The following CFAP299 variants were observed in gnomAD, a reference collection of about 807,000 sequenced individuals.
The protein encoded by CFAP299 is cilia and flagella associated protein 299.
A neutral mutation model predicts 27.0 loss-of-function variants in CFAP299; 21 were observed. That is an observed-to-expected ratio of 0.78 (90% CI 0.55 to 1.12). The LOEUF is 1.12. Among genes scored for constraint, CFAP299 ranks in the 50% most tolerant of loss-of-function variants. The pLI is 0.00. For missense variants in CFAP299, 310 were observed against 276.6 expected, an observed-to-expected ratio of 1.12 and a Z score of -0.86; for synonymous variants, 104 against 98.1, an observed-to-expected ratio of 1.06 and a Z score of -0.36.
At chr4:80,614,549 G>A (rs1305165463) in intron 3 of CFAP299, among the ~76,000 whole-genome samples, 3 of 152,200 alleles carry the variant, frequency 2.0e-5, no homozygotes, top group Admixed American at 6.5e-5. Context: ...CAGCATGTGC[G>A]GCGGGTGTAG....
At chr4:80,847,921 A>G (rs930630114) in intron 3 of CFAP299, among the ~76,000 whole-genome samples, 1 of 152,112 alleles carries the variant, frequency 6.6e-6, no homozygotes. Context: ...TAAGGATACA[A>G]AGTTAAGACT....
chr4:80,323,981 A>C, the CFAP299 span, among the ~76,000 whole-genome samples: 2 of 151,946 alleles, frequency 1.3e-5, no homozygotes, highest in African/African-American at 2.4e-5. Context: ...CCTTTTTTTA[A>C]ATTTTACTTT....
upstream of CFAP299, among the ~76,000 whole-genome samples, chr4:80,334,381 G>A (rs887607038): frequency 6.6e-6 from 1 of 152,088 alleles, no homozygotes; most frequent in African/African-American, 2.4e-5. Flanking sequence ...GATATAGGAG[G>A]ATTCTTCTGC....
At chr4:80,927,872 A>T (rs1308836533) in intron 4 of CFAP299, among the ~76,000 whole-genome samples, 2 of 152,108 alleles carry the variant, frequency 1.3e-5, no homozygotes, top group Admixed American at 1.3e-4. Flanking sequence ...AAAGTCAGCA[A>T]AGTCCTTTTT....
rs1339201630 is a variant in CFAP299 at position 80,591,104 on chromosome 4, A to ATTTTTTTTTTT, written c.333+7921_333+7922insTTTTTTTTTTT. Among the ~76,000 whole-genome samples, 21 of 116,534 alleles carry ATTTTTTTTTTT rather than the reference A, an allele frequency of 1.8e-4. 2 individuals are homozygous for ATTTTTTTTTTT. Among genetic ancestry groups the ATTTTTTTTTTT allele is most frequent in the South Asian group, 3.1e-4 (1 of 3,196 alleles). 76.5% of individuals were successfully genotyped at this position (116,534 alleles called of 152,430 possible). ...AGAAACAGATTATAATACTTTAGGA[A>ATTTTTTTTTTT]ATTTTTTTTTTTTTTTTTTTTTTTT... On this transcript the variant is annotated intron_variant, in intron 3 of 5. Coordinates refer to ENST00000358105, the MANE Select transcript of CFAP299 (RefSeq NM_152770.3).
At chr4:80,927,185 A>T (rs1309102542) in intron 4 of CFAP299, among the ~76,000 whole-genome samples, 2 of 152,076 alleles carry the variant, frequency 1.3e-5, no homozygotes, top group Admixed American at 1.3e-4. Flanking sequence ...TGGATTCAAC[A>T]CTAATTTAGT....
intron 2 of CFAP299, among the ~76,000 whole-genome samples, chr4:80,411,133 A>G (rs1245814536): frequency 1.3e-5 from 2 of 152,188 alleles, no homozygotes. Flanking sequence ...TTATTGGGAT[A>G]ATTGAATGCT....
intron 3 of CFAP299, among the ~76,000 whole-genome samples, chr4:80,645,984 A>G (rs748335851): frequency 6.6e-6 from 1 of 152,208 alleles, no homozygotes; most frequent in Non-Finnish European, 1.5e-5. Context: ...AAAATTTGAC[A>G]TTTAGCATAA....
At position 80,673,812 on chromosome 4, in the gene CFAP299, T is replaced by G. The variant is rs1050216015; in HGVS notation, c.333+90629T>G. On this transcript the variant is annotated intron_variant, in intron 3 of 5. Coordinates refer to ENST00000358105, the MANE Select transcript of CFAP299 (RefSeq NM_152770.3). The stretch of plus-strand genomic sequence containing the variant: ...TGATCTTTGTTGGTTTAAAGTATGT[T>G]TTATCAGAGACTAGGATTGCAAACT... Among the ~76,000 whole-genome samples, 42 of 152,162 alleles carry G rather than the reference T, an allele frequency of 2.8e-4. 1 individual carries two copies. The highest frequency in any genetic ancestry group is 9.4e-4 in the African/African-American group (39 of 41,486).
At chr4:80,805,825 C>T (rs2110113150) in intron 3 of CFAP299, among the ~76,000 whole-genome samples, 1 of 152,228 alleles carries the variant, frequency 6.6e-6, no homozygotes, top group East Asian at 1.9e-4. Context: ...GGTGAGCCAA[C>T]ATCGTGCCAC....
At chr4:80,846,633 A>G (rs942248395) in intron 3 of CFAP299, among the ~76,000 whole-genome samples, 11 of 152,150 alleles carry the variant, frequency 7.2e-5, no homozygotes, top group Non-Finnish European at 1.6e-4. Flanking sequence ...GTGGTTTCAG[A>G]TATTGATTTA....
intron 3 of CFAP299, among the ~76,000 whole-genome samples, chr4:80,852,347 T>C (rs1445268029): frequency 6.6e-6 from 1 of 152,162 alleles, no homozygotes; most frequent in Non-Finnish European, 1.5e-5. Context: ...CAATCTGTGC[T>C]TTGCAAGCCT....
At chr4:80,801,242 A>G (rs763462504) in intron 3 of CFAP299, among the ~76,000 whole-genome samples, 10 of 151,890 alleles carry the variant, frequency 6.6e-5, no homozygotes, top group Non-Finnish European at 1.2e-4. Context: ...ACAATTTAAG[A>G]ACACACAGTT....
chr4:80,873,092 T>C (rs754093897), intron 4 of CFAP299: 2 of 810,844 alleles, frequency 2.5e-6, no homozygotes, highest in Non-Finnish European at 3.0e-6. Context: ...AGTTTTGCTT[T>C]TGATTTTATA....
chr4:80,345,813 T>A (rs1450460422), intron 1 of CFAP299, among the ~76,000 whole-genome samples: 1 of 152,220 alleles, frequency 6.6e-6, no homozygotes, highest in East Asian at 1.9e-4. Flanking sequence ...CTGGGTCAAA[T>A]GGTATTTCTA....
intron 3 of CFAP299, among the ~76,000 whole-genome samples, chr4:80,722,428 A>G (rs1722880263): frequency 6.6e-6 from 1 of 152,036 alleles, no homozygotes; most frequent in South Asian, 2.1e-4. Flanking sequence ...AAAAAAAAAA[A>G]AGAAAATGAA....
chr4:80,608,006 G>A (rs1177102380), intron 3 of CFAP299, among the ~76,000 whole-genome samples: 1 of 152,118 alleles, frequency 6.6e-6, no homozygotes, highest in Non-Finnish European at 1.5e-5. Flanking sequence ...AGAATGTAGT[G>A]TAGTGGAGAC....
intron 3 of CFAP299, among the ~76,000 whole-genome samples, chr4:80,797,152 A>G (rs1411268246): frequency 6.6e-6 from 1 of 152,028 alleles, no homozygotes; most frequent in Non-Finnish European, 1.5e-5. Context: ...TTTCCCTTTC[A>G]CCAATGCACA....
chr4:80,732,941 T>G (rs1264205504), intron 3 of CFAP299, among the ~76,000 whole-genome samples: 1 of 152,146 alleles, frequency 6.6e-6, no homozygotes. Flanking sequence ...GTGCTTGGCA[T>G]AGATTATCAT....
Sources: gnomAD v4.1 joint callset for allele counts (sites outside exome capture counted in the v4.1 genomes callset) on GRCh38, gnomAD v4.1.1 for gene constraint, MANE v1.5 for transcripts, NCBI Gene and HGNC (gene_info 2026-07-23, HGNC 2026-07-21) for gene names.